KCTD16: variants seen among roughly 807,000 people sequenced by gnomAD.
The protein encoded by KCTD16 is potassium channel tetramerization domain containing 16.
A neutral mutation model predicts 33.2 loss-of-function variants in KCTD16; 13 were observed. The ratio of observed to expected loss-of-function variants is 0.39; its 90% CI spans 0.25 to 0.62. KCTD16 has a LOEUF of 0.62. Among genes scored for constraint, KCTD16 ranks in the 20% least tolerant of loss-of-function variants. KCTD16 has a pLI of 0.50. For missense variants in KCTD16, 441 were observed against 525.1 expected (o/e 0.84, Z 1.57); for synonymous variants, 197 against 195.3 (o/e 1.01, Z -0.07).
At chr5:144,452,173 A>C (rs1753959583) in intron 3 of KCTD16, among the ~76,000 whole-genome samples, 1 of 140,036 alleles carries the variant, frequency 7.1e-6, no homozygotes, top group African/African-American at 3.1e-5. Context: ...TATTCCTGTC[A>C]CTCTCTAAGA....
In KCTD16 at chr5:144,460,667, C is replaced by T. The variant is rs1341303887; in HGVS notation, c.833-12993C>T. Reference sequence around the variant, plus strand: ...ATGTTGGCCAGGCTGGTCTAAAACTCCTGACCTGAGGTGGTCCACCCTCGG... The same window carrying T: ...ATGTTGGCCAGGCTGGTCTAAAACTTCTGACCTGAGGTGGTCCACCCTCGG... On this transcript the variant is annotated intron_variant, in intron 3 of 3. Transcript: ENST00000512467. Among the ~76,000 whole-genome samples, 3 of 152,150 alleles carry T rather than the reference C, an allele frequency of 2.0e-5. No homozygotes were observed. The East Asian group carries it at 5.8e-4, about 29-fold the overall frequency.
At chr5:144,326,431 T>C (rs1752210265) in intron 3 of KCTD16, among the ~76,000 whole-genome samples, 1 of 152,172 alleles carries the variant, frequency 6.6e-6, no homozygotes. Flanking sequence ...ACCTTTTCCA[T>C]TAAGTATACT....
chr5:144,404,901 G>GCTAT (rs1752778407), intron 3 of KCTD16, among the ~76,000 whole-genome samples: 1 of 152,136 alleles, frequency 6.6e-6, no homozygotes, highest in South Asian at 2.1e-4. Flanking sequence ...AATACAGAGT[G>GCTAT]CTATCTGTGA....
intron 3 of KCTD16, among the ~76,000 whole-genome samples, chr5:144,342,899 T>C (rs1345424606): frequency 2.0e-5 from 3 of 152,226 alleles, no homozygotes; most frequent in Non-Finnish European, 4.4e-5. Flanking sequence ...TTGCATATAT[T>C]GAACCAGCCT....
intron 3 of KCTD16, among the ~76,000 whole-genome samples, chr5:144,411,758 T>C (rs1752937442): frequency 6.6e-6 from 1 of 152,004 alleles, no homozygotes; most frequent in Non-Finnish European, 1.5e-5. Context: ...ATCCATGTAA[T>C]GGGAAAAAAC....
rs551624753 is a variant in KCTD16 at position 144,258,451 on chromosome 5, C to T, written c.832+50905C>T. On this transcript the variant is annotated intron_variant, in intron 3 of 3. Coordinates refer to ENST00000512467, the MANE Select transcript of KCTD16 (RefSeq NM_020768.4). ...AGTTGCTAACAGGCTTTGTGCTTAA[C>T]GATCTTTTGTTCAGCTGAAGAGACA... 7.9e-5 allele frequency among the ~76,000 whole-genome samples: 12 copies of T among 152,174 alleles called. No homozygotes were observed. In the South Asian group the frequency reaches 1.9e-3, roughly 24 times the overall value.
chr5:144,447,013 TCTAGAA>T, intron 3 of KCTD16, among the ~76,000 whole-genome samples: 1 of 152,184 alleles, frequency 6.6e-6, no homozygotes, highest in Middle Eastern at 3.4e-3. Context: ...TCCTCAAGGA[TCTAGAA>T]CTAGAAACAC....
At chr5:144,335,721 G>A (rs1050207401) in intron 3 of KCTD16, among the ~76,000 whole-genome samples, 1 of 152,108 alleles carries the variant, frequency 6.6e-6, no homozygotes, top group Non-Finnish European at 1.5e-5. Context: ...AACCAATATT[G>A]AAACAGAAAC....
In KCTD16 at chr5:144,479,165, T is replaced by C. The variant is rs754199644; in HGVS notation, c.*5051T>C. On this transcript the variant is annotated 3_prime_UTR_variant, in exon 4 of 4. Transcript: ENST00000512467. ...TGGCCCCAAAGGTGATTCCATTAAC[T>C]GCACATAAAATATAACCAAAATGAA... The C allele has an allele frequency of 2.0e-5, 3 of 151,856 alleles. No individual in the cohort carries two copies. Among genetic ancestry groups the C allele is most frequent in the Admixed American group, 6.6e-5 (1 of 15,226 alleles). 9.4% of individuals were successfully genotyped at this position (151,856 alleles called of 1,614,324 possible).
chr5:144,399,141 CA>C (rs1276735833), intron 3 of KCTD16, among the ~76,000 whole-genome samples: 1 of 152,132 alleles, frequency 6.6e-6, no homozygotes, highest in Non-Finnish European at 1.5e-5. Flanking sequence ...AAGATTAAAG[CA>C]AAACGGTAGT....
chr5:144,182,894 G>T (rs1018622025), intron 2 of KCTD16, among the ~76,000 whole-genome samples: 2 of 152,006 alleles, frequency 1.3e-5, no homozygotes, highest in Non-Finnish European at 2.9e-5. Flanking sequence ...TTATTTCTTT[G>T]TTATTATTGT....
intron 3 of KCTD16, among the ~76,000 whole-genome samples, chr5:144,363,538 T>G (rs1415672970): frequency 6.8e-6 from 1 of 146,654 alleles, no homozygotes; most frequent in Non-Finnish European, 1.5e-5. Flanking sequence ...CCTCTTACTG[T>G]TTTTTTTTGT....
chr5:144,177,915 AT>A (rs549002672), intron 2 of KCTD16, among the ~76,000 whole-genome samples: 3 of 151,730 alleles, frequency 2.0e-5, no homozygotes, highest in African/African-American at 7.3e-5. Context: ...CAATAATCTG[AT>A]TTTTTTTCAC....
intron 3 of KCTD16, among the ~76,000 whole-genome samples, chr5:144,248,247 G>A (rs1430696121): frequency 3.3e-5 from 5 of 152,164 alleles, no homozygotes; most frequent in Non-Finnish European, 4.4e-5. Flanking sequence ...TTGAGAAGAG[G>A]CAATTTCAGT....
At chr5:144,363,341 C>T (rs1332540131) in intron 3 of KCTD16, among the ~76,000 whole-genome samples, 1 of 151,060 alleles carries the variant, frequency 6.6e-6, no homozygotes, top group Non-Finnish European at 1.5e-5. Context: ...GACTCTGTCT[C>T]AATTTTTTTT....
chr5:144,466,986 CACTATATATATTATATATATTAT>C (rs1754348117), intron 3 of KCTD16, among the ~76,000 whole-genome samples: 1 of 125,838 alleles, frequency 7.9e-6, no homozygotes, highest in Non-Finnish European at 1.6e-5. Flanking sequence ...ATATATATAA[CACTATATATATTATATATATTAT>C]ATATAATATA....
chr5:144,217,967 TGTGTTTACTA>T (rs1753616316), intron 3 of KCTD16, among the ~76,000 whole-genome samples: 1 of 152,222 alleles, frequency 6.6e-6, no homozygotes, highest in African/African-American at 2.4e-5. Flanking sequence ...TGCTGAGAGT[TGTGTTTACTA>T]GTTTCTGGGC....
At position 144,260,594 on chromosome 5, in the gene KCTD16, G is replaced by A. The variant is rs79380141; in HGVS notation, c.832+53048G>A. Among the ~76,000 whole-genome samples, 505 of 152,286 alleles carry A rather than the reference G, an allele frequency of 3.3e-3. 1 individual carries two copies. The highest frequency in any genetic ancestry group is 0.012 in the African/African-American group (485 of 41,566). On this transcript the variant is annotated intron_variant, in intron 3 of 3. Coordinates refer to ENST00000512467, the MANE Select transcript of KCTD16 (RefSeq NM_020768.4). ...ATTATTTCTGAGAGCAAGTAATAAA[G>A]TTGTTTATTGCTTCCTCCCAAAGAA...
intron 3 of KCTD16, among the ~76,000 whole-genome samples, chr5:144,356,572 C>G (rs116458105): frequency 7.6e-4 from 116 of 152,262 alleles, no homozygotes; most frequent in African/African-American, 2.7e-3. Flanking sequence ...GGTCCAGTTC[C>G]TAATGTGTGT....
Sources: allele counts gnomAD v4.1 joint callset (sites outside exome capture counted in the v4.1 genomes callset), GRCh38; gene constraint gnomAD v4.1.1; transcripts MANE v1.5; gene names NCBI Gene and HGNC (gene_info 2026-07-23, HGNC 2026-07-21).